TENM2: variants seen among roughly 807,000 people sequenced by gnomAD.
TENM2 encodes teneurin-2.
TENM2 carries 52 observed loss-of-function variants against 245.2 expected under a neutral mutation model. The observed-to-expected ratio is 0.21, with a 90% CI of 0.17 to 0.27. TENM2 has a LOEUF of 0.27. Among genes scored for constraint, TENM2 ranks in the 10% least tolerant of loss-of-function variants. TENM2 has a pLI of 1.00. For synonymous variants in TENM2, 1,363 were observed against 1,438.9 expected (o/e 0.95, Z 1.19); for missense variants, 3,046 against 3,666.8 (o/e 0.83, Z 4.37).
chr5:168,011,279 T>C (rs1785200776), intron 5 of TENM2, among the ~76,000 whole-genome samples: 1 of 152,228 alleles, frequency 6.6e-6, no homozygotes, highest in Admixed American at 6.5e-5. Context: ...ATTCTCTTCT[T>C]GCATCAGGAT....
At chr5:167,634,588 G>T (rs1474424895) in intron 2 of TENM2, among the ~76,000 whole-genome samples, 2 of 150,086 alleles carry the variant, frequency 1.3e-5, no homozygotes, top group South Asian at 2.1e-4. Context: ...TCACATTTTT[G>T]ATTCATAGTC....
intron 2 of TENM2, among the ~76,000 whole-genome samples, chr5:167,734,869 T>G (rs1760694570): frequency 6.6e-6 from 1 of 151,080 alleles, no homozygotes; most frequent in Non-Finnish European, 1.5e-5. Flanking sequence ...CCTTCATCTC[T>G]CTTTCTCCAC....
chr5:167,954,593 TCTCCTAATGCTATCC>T (rs1780394746), intron 4 of TENM2, among the ~76,000 whole-genome samples: 1 of 152,176 alleles, frequency 6.6e-6, no homozygotes, highest in Non-Finnish European at 1.5e-5. Context: ...ATTAGGTATT[TCTCCTAATGCTATCC>T]CTCCCCTAGG....
chr5:167,088,060 T>C, the TENM2 span, among the ~76,000 whole-genome samples: 1 of 152,212 alleles, frequency 6.6e-6, no homozygotes, highest in East Asian at 1.9e-4. Flanking sequence ...AGTGCTGGGA[T>C]TACAGGCGTG....
chr5:167,985,587 G>A lies in TENM2; in HGVS notation c.948-7357G>A, dbSNP rs894498214. ...ACACTGTGATGAGATTGTGGGATAC[G>A]GGGTGAGAGAGAGAGAGGAAGAGAG... On this transcript the variant is annotated intron_variant, in intron 4 of 28. Coordinates refer to ENST00000518659, the Ensembl canonical transcript of TENM2. Among the ~76,000 whole-genome samples the A allele has an allele frequency of 4.7e-4, 72 of 152,272 alleles. 1 individual carries two copies. Among genetic ancestry groups the A allele is most frequent in the Non-Finnish European group, 2.5e-4 (17 of 68,020 alleles).
chr5:167,529,370 C>T (rs1454599367), intron 2 of TENM2, among the ~76,000 whole-genome samples: 3 of 152,134 alleles, frequency 2.0e-5, no homozygotes, highest in Admixed American at 2.0e-4. Context: ...GTGTGATCTC[C>T]TGGAGTTACA....
At chr5:167,706,557 G>A (rs1758538321) in intron 2 of TENM2, among the ~76,000 whole-genome samples, 1 of 151,860 alleles carries the variant, frequency 6.6e-6, no homozygotes, top group African/African-American at 2.4e-5. Flanking sequence ...CAGTGAACAT[G>A]GGAGCACAAA....
At chr5:167,280,666 G>A (rs968616375), upstream of TENM2, among the ~76,000 whole-genome samples, 3 of 151,996 alleles carry the variant, frequency 2.0e-5, no homozygotes, top group African/African-American at 4.8e-5. Context: ...TATATAGGAG[G>A]CTCACTTTTG....
Position 168,118,597 on chromosome 5 carries a change from A to G in TENM2, c.2008+111A>G, listed in dbSNP as rs956623077. 6.2e-6 allele frequency: 5 copies of G among 804,026 alleles called. No homozygotes were observed. In the African/African-American group the frequency reaches 6.8e-5, roughly 11 times the overall value. The allele number at this position is 804,026 out of a possible 1,614,324, so 49.8% of individuals were successfully genotyped here. On this transcript the variant is annotated intron_variant, in intron 10 of 28. Transcript: ENST00000518659. Reference sequence around the variant, plus strand: ...TGCGTGTTTTGCAAGAGAAGTTTCAACATTTTGCACAAAACAACTTCAAAC... The same window carrying G: ...TGCGTGTTTTGCAAGAGAAGTTTCAGCATTTTGCACAAAACAACTTCAAAC...
At chr5:167,814,448 C>T (rs1482510787) in intron 2 of TENM2, among the ~76,000 whole-genome samples, 3 of 116,134 alleles carry the variant, frequency 2.6e-5, no homozygotes, top group South Asian at 5.3e-4. Flanking sequence ...GTAGACACTC[C>T]GATTCAAAAA....
chr5:168,060,236 A>G (rs11749990), intron 6 of TENM2, among the ~76,000 whole-genome samples: 12,375 of 151,524 alleles, frequency 0.082, 595 homozygotes, highest in South Asian at 0.15. Context: ...CGAAAAAAAA[A>G]AAAAAAGAAA....
chr5:167,842,483 G>A (rs1769620955), intron 2 of TENM2, among the ~76,000 whole-genome samples: 1 of 149,886 alleles, frequency 6.7e-6, no homozygotes, highest in Admixed American at 6.7e-5. Flanking sequence ...CAGCTACTTG[G>A]GAAGCTGAGG....
intron 3 of TENM2, among the ~76,000 whole-genome samples, chr5:167,926,926 G>T (rs1044914665): frequency 6.6e-6 from 1 of 152,298 alleles, no homozygotes; most frequent in Admixed American, 6.5e-5. Context: ...ACAACTGCAT[G>T]TGACACTACA....
intron 2 of TENM2, among the ~76,000 whole-genome samples, chr5:167,519,412 A>G (rs1770611198): frequency 6.6e-6 from 1 of 152,114 alleles, no homozygotes; most frequent in South Asian, 2.1e-4. Flanking sequence ...TAGTAGGAAT[A>G]TTAAGGGTAC....
At chr5:167,741,534 C>T (rs1202541400) in intron 2 of TENM2, among the ~76,000 whole-genome samples, 1 of 152,186 alleles carries the variant, frequency 6.6e-6, no homozygotes, top group African/African-American at 2.4e-5. Flanking sequence ...CACACACAGT[C>T]TTCAGCTATT....
intron 2 of TENM2, among the ~76,000 whole-genome samples, chr5:167,393,382 G>A (rs575334287): frequency 1.6e-3 from 246 of 152,236 alleles, no homozygotes; most frequent in Non-Finnish European, 2.7e-3. Flanking sequence ...TTATTAAAAT[G>A]CTGACATTTG....
At chr5:168,209,624 T>C (rs773888004) in intron 19 of TENM2, among the ~76,000 whole-genome samples, 3 of 151,702 alleles carry the variant, frequency 2.0e-5, no homozygotes, top group African/African-American at 2.4e-5. Flanking sequence ...ACAGAGAGAG[T>C]TGGAATGAAA....
At chr5:167,837,913 C>T in intron 2 of TENM2, among the ~76,000 whole-genome samples, 1 of 152,214 alleles carries the variant, frequency 6.6e-6, no homozygotes, top group South Asian at 2.1e-4. Context: ...GTCCCAGGGA[C>T]CTTGAAGTCT....
At chr5:168,241,040 T>C (rs985832709) in intron 25 of TENM2, 4 of 152,136 alleles carry the variant, frequency 2.6e-5, no homozygotes, top group African/African-American at 9.7e-5. Context: ...AAATGATGGC[T>C]CCAATCCCGT....
Sources: gnomAD v4.1 joint callset for allele counts (sites outside exome capture counted in the v4.1 genomes callset) on GRCh38, gnomAD v4.1.1 for gene constraint, MANE v1.5 for transcripts, NCBI Gene and HGNC (gene_info 2026-07-23, HGNC 2026-07-21) for gene names.